Variants in NRXN3 observed in about 807,000 individuals in gnomAD.
The protein encoded by NRXN3 is neurexin 3, also known as neurexin III.
Under a neutral mutation model 137.6 loss-of-function variants are expected in NRXN3, and 32 were observed. The ratio of observed to expected loss-of-function variants is 0.23; its 90% confidence interval spans 0.18 to 0.31. NRXN3 has a LOEUF of 0.31. NRXN3 is among the 10% of genes least tolerant of loss of function. The probability of loss-of-function intolerance (pLI) is 1.00; values close to 1 mark genes in which losing one functional copy is unlikely to be tolerated. For missense variants in NRXN3, 1,574 were observed against 2,062.5 expected (o/e 0.76, Z 4.59); for synonymous variants, 798 against 784.5 (o/e 1.02, Z -0.29).
intron 8 of NRXN3, among the ~76,000 whole-genome samples, chr14:78,775,665 ATAAC>A (rs1240640740): frequency 6.6e-6 from 1 of 152,198 alleles, no homozygotes; most frequent in Non-Finnish European, 1.5e-5. Context: ...GATGTGGAAA[ATAAC>A]TAATTGTGGG....
chr14:79,584,193 C>A (rs1274033347), intron 16 of NRXN3, among the ~76,000 whole-genome samples: 1 of 152,064 alleles, frequency 6.6e-6, no homozygotes, highest in Non-Finnish European at 1.5e-5. Context: ...TACTCCTAGC[C>A]CCCAGGCCCC....
At chr14:78,701,306 C>T (rs2098276243) in intron 6 of NRXN3, among the ~76,000 whole-genome samples, 1 of 152,188 alleles carries the variant, frequency 6.6e-6, no homozygotes, top group Non-Finnish European at 1.5e-5. Context: ...CACAAAGAAT[C>T]CATCAAATAA....
At position 78,310,279 on chromosome 14, in the gene NRXN3, T is replaced by C. The variant is rs1200956116; in HGVS notation, c.757+12419T>C. 4.6e-5 allele frequency among the ~76,000 whole-genome samples: 6 copies of C among 129,860 alleles called. No individual in the cohort carries two copies. In the East Asian group the frequency reaches 1.1e-3, roughly 23 times the overall value. 85.2% of individuals were successfully genotyped at this position (129,860 alleles called of 152,430 possible). A position where few individuals can be genotyped will look rare whatever the true frequency, so the allele number is the denominator to read the frequency against. On this transcript the variant is annotated intron_variant, in intron 4 of 20. Coordinates refer to ENST00000335750, the MANE Select transcript of NRXN3 (RefSeq NM_001330195.2). The stretch of plus-strand genomic sequence containing the variant: ...GAATGGCTTTTTTTTTTTTTTTTTT[T>C]TTTCCAGACAGTGAACATGTAGGTG...
intron 17 of NRXN3, among the ~76,000 whole-genome samples, chr14:79,690,315 A>G (rs1321992372): frequency 3.3e-5 from 5 of 152,178 alleles, no homozygotes; most frequent in Admixed American, 2.6e-4. Flanking sequence ...GTAGACCATT[A>G]TAATGATCTC....
intron 5 of NRXN3, 84 bp downstream of exon 5, chr14:78,645,505 G>C: frequency 9.1e-7 from 1 of 1,093,226 alleles, no homozygotes; most frequent in Non-Finnish European, 1.3e-6. Context: ...ATGGGTGTGA[G>C]GTGGAGAGGG....
chr14:78,527,398 G>C (rs2096396335), intron 4 of NRXN3, among the ~76,000 whole-genome samples: 1 of 152,098 alleles, frequency 6.6e-6, no homozygotes, highest in African/African-American at 2.4e-5. Flanking sequence ...TAAACAACCA[G>C]ATCTTGTAAG....
At chr14:78,215,136 C>A (rs78113405) in intron 1 of NRXN3, among the ~76,000 whole-genome samples, 11,150 of 152,254 alleles carry the variant, frequency 0.073, 535 homozygotes, top group South Asian at 0.15. Flanking sequence ...CCTAAACCCA[C>A]TGGAGATGGG....
intron 15 of NRXN3, among the ~76,000 whole-genome samples, chr14:79,211,113 G>A (rs750663838): frequency 6.6e-5 from 10 of 152,094 alleles, no homozygotes; most frequent in South Asian, 4.2e-4. Context: ...TCCAGGTTTC[G>A]GAACCAAATA....
At chr14:79,565,317 ATGTG>A (rs1491068802) in intron 16 of NRXN3, among the ~76,000 whole-genome samples, 2 of 127,874 alleles carry the variant, frequency 1.6e-5, no homozygotes, top group African/African-American at 6.8e-5. Flanking sequence ...ATACACACAC[ATGTG>A]TGTGTATATA....
At chr14:78,793,263 A>G (rs959502430) in intron 8 of NRXN3, among the ~76,000 whole-genome samples, 3 of 152,178 alleles carry the variant, frequency 2.0e-5, no homozygotes, top group African/African-American at 7.2e-5. Flanking sequence ...AAATTCAAGC[A>G]TTTAAAAGAA....
intron 15 of NRXN3, among the ~76,000 whole-genome samples, chr14:79,330,690 A>G (rs755728107): frequency 5.6e-4 from 85 of 152,156 alleles, no homozygotes; most frequent in Non-Finnish European, 1.0e-3. Flanking sequence ...CCATCTCCCA[A>G]TGGAGAAAGC....
intron 15 of NRXN3, among the ~76,000 whole-genome samples, chr14:79,162,534 C>G (rs779088971): frequency 1.3e-5 from 2 of 151,576 alleles, no homozygotes; most frequent in African/African-American, 4.8e-5. Context: ...AAAAAGTGGG[C>G]GAAGGACATG....
At chr14:78,759,939 CT>C in intron 8 of NRXN3, among the ~76,000 whole-genome samples, 1 of 151,220 alleles carries the variant, frequency 6.6e-6, no homozygotes, top group Non-Finnish European at 1.5e-5. Flanking sequence ...AGTATGCCCA[CT>C]TTACAGAAGA....
At chr14:79,084,289 T>G (rs569139440) in intron 15 of NRXN3, among the ~76,000 whole-genome samples, 23 of 152,278 alleles carry the variant, frequency 1.5e-4, no homozygotes, top group African/African-American at 5.5e-4. Flanking sequence ...AATCTATACA[T>G]GTGTTAAAAT....
At chr14:79,788,174 G>A (rs537481866) in intron 19 of NRXN3, among the ~76,000 whole-genome samples, 46 of 152,178 alleles carry the variant, frequency 3.0e-4, no homozygotes, top group Non-Finnish European at 3.8e-4. Flanking sequence ...AAAACCATCC[G>A]ATCTCATGAA....
At chr14:79,452,415 A>G (rs1388273524) in intron 15 of NRXN3, among the ~76,000 whole-genome samples, 1 of 152,226 alleles carries the variant, frequency 6.6e-6, no homozygotes, top group Non-Finnish European at 1.5e-5. Context: ...GCAGCATGTC[A>G]TATCTGTACT....
At chr14:79,211,572 C>A (rs1410130835) in intron 15 of NRXN3, among the ~76,000 whole-genome samples, 4 of 152,132 alleles carry the variant, frequency 2.6e-5, no homozygotes, top group Non-Finnish European at 5.9e-5. Context: ...TGAGTTCTTT[C>A]TCTAAGGTTA....
At chr14:79,758,805 C>T (rs2099028714) in intron 19 of NRXN3, among the ~76,000 whole-genome samples, 1 of 152,098 alleles carries the variant, frequency 6.6e-6, no homozygotes, top group Non-Finnish European at 1.5e-5. Context: ...GACTGTTGTC[C>T]AACCACACAA....
chr14:78,407,279 A>C (rs915629716), intron 4 of NRXN3, among the ~76,000 whole-genome samples: 2 of 152,144 alleles, frequency 1.3e-5, no homozygotes, highest in Non-Finnish European at 1.5e-5. Context: ...ACCAGGAGAC[A>C]TGAGTTTGGC....
Sources: allele counts gnomAD v4.1 joint callset (sites outside exome capture counted in the v4.1 genomes callset), GRCh38; gene constraint gnomAD v4.1.1; transcripts MANE v1.5; gene names NCBI Gene and HGNC (gene_info 2026-07-23, HGNC 2026-07-21).